The following SLC10A1 variants were observed in gnomAD, a reference collection of about 807,000 sequenced individuals.
SLC10A1 encodes hepatic sodium/bile acid cotransporter.
In SLC10A1, 36 loss-of-function variants were observed where a neutral mutation model predicts 20.5. The observed-to-expected ratio is 1.75, with a 90% CI of 1.34 to 2.32. The LOEUF (loss-of-function observed/expected upper bound fraction) is 2.32, where lower values mean the gene tolerates loss of function less well. SLC10A1 is among the 30% of genes most tolerant of loss of function. The pLI is 0.00. For synonymous variants in SLC10A1, 188 were observed against 163.6 expected (o/e 1.15, Z -1.14); for missense variants, 545 against 439.1 (o/e 1.24, Z -2.16).
At chr14:69,782,538 T>G (rs1035095933) in intron 2 of SLC10A1, among the ~76,000 whole-genome samples, 4 of 152,218 alleles carry the variant, frequency 2.6e-5, no homozygotes, top group Non-Finnish European at 5.9e-5. Flanking sequence ...CAAGGTGTGG[T>G]GGCTCACGCC....
chr14:69,785,161 G>T (rs1883683546), intron 2 of SLC10A1, among the ~76,000 whole-genome samples: 1 of 152,144 alleles, frequency 6.6e-6, no homozygotes, highest in Admixed American at 6.5e-5. Context: ...TGAGCCAAGG[G>T]GGAGGCTGGC....
intron 3 of SLC10A1, among the ~76,000 whole-genome samples, chr14:69,778,755 G>A (rs1045548736): frequency 6.6e-6 from 1 of 152,120 alleles, no homozygotes. Context: ...TCCAGTTAGT[G>A]CATCTGAACA....
intron 2 of SLC10A1, among the ~76,000 whole-genome samples, chr14:69,781,697 T>G (rs76883183): frequency 0.018 from 2,794 of 152,266 alleles, 69 homozygotes; most frequent in African/African-American, 0.063. Context: ...TGGCTTATGG[T>G]GAAAGTGGCT....
chr14:69,791,533 CT>C (rs1883840194), intron 1 of SLC10A1, among the ~76,000 whole-genome samples: 1 of 152,196 alleles, frequency 6.6e-6, no homozygotes, highest in African/African-American at 2.4e-5. Context: ...ATCTCCTGAC[CT>C]CGTGATCGGC....
At chr14:69,777,728 A>G (rs1322003448) in intron 4 of SLC10A1, among the ~76,000 whole-genome samples, 1 of 151,956 alleles carries the variant, frequency 6.6e-6, no homozygotes, top group African/African-American at 2.4e-5. Flanking sequence ...TGTTAACCCC[A>G]TAGTGATCAG....
At chr14:69,784,310 T>C (rs1883663304) in intron 2 of SLC10A1, among the ~76,000 whole-genome samples, 1 of 152,174 alleles carries the variant, frequency 6.6e-6, no homozygotes, top group African/African-American at 2.4e-5. Flanking sequence ...CCAATGCTGC[T>C]AGAAGGTCAA....
rs199672095 is a variant in SLC10A1, at chr14:69,776,393, A to G, written c.944-5T>C. 6.2e-7 allele frequency: 1 copy of G among 1,606,456 alleles called. No homozygotes were observed. Reference sequence around the variant, plus strand: ...TGTAGATCATTTTTGTTTTATCTGTAAAGTTAAAAAGGGTTACAGGTGTAG... The same window carrying G: ...TGTAGATCATTTTTGTTTTATCTGTGAAGTTAAAAAGGGTTACAGGTGTAG... On this transcript the variant is annotated splice_polypyrimidine_tract_variant and splice_region_variant and intron_variant, in intron 4 of 4. Coordinates refer to ENST00000216540, the MANE Select transcript of SLC10A1 (RefSeq NM_003049.4).
intron 1 of SLC10A1, among the ~76,000 whole-genome samples, chr14:69,791,415 C>T (rs1192248349): frequency 6.6e-6 from 1 of 151,986 alleles, no homozygotes; most frequent in African/African-American, 2.4e-5. Flanking sequence ...ATTCTCCTGC[C>T]TCAGCCTCTC....
In SLC10A1 at chr14:69,781,007, G is replaced by C. The variant is rs140606118; in HGVS notation, c.568-1647C>G. 1.6e-4 allele frequency among the ~76,000 whole-genome samples: 25 copies of C among 152,184 alleles called. No homozygotes were observed. The East Asian group carries it at 2.9e-3, about 18-fold the overall frequency. On this transcript the variant is annotated intron_variant, in intron 2 of 4. Coordinates refer to ENST00000216540, the MANE Select transcript of SLC10A1 (RefSeq NM_003049.4). ...CTCACTCATGTTCTCTGACTCTTGG[G>C]GACTGCACAGTTGTGGTTATGAGCA...
intron 4 of SLC10A1, 71 bp downstream of exon 4, chr14:69,778,262 A>AAT (rs765747923): frequency 3.7e-5 from 49 of 1,340,514 alleles, no homozygotes; most frequent in Admixed American, 2.6e-4. Context: ...CCCTGCTAGA[A>AAT]ACTTGCTTGT....
intron 1 of SLC10A1, among the ~76,000 whole-genome samples, chr14:69,794,341 T>C (rs1882343302): frequency 6.6e-6 from 1 of 152,186 alleles, no homozygotes; most frequent in Non-Finnish European, 1.5e-5. Context: ...TGCCCATGCC[T>C]TTGAGGCTGT....
At chr14:69,786,076 T>C (rs751463432) in intron 2 of SLC10A1, 21 bp downstream of exon 2, 1 of 1,603,046 alleles carries the variant, frequency 6.2e-7, no homozygotes, top group Admixed American at 1.7e-5. Context: ...CCCTAATTTG[T>C]CAAGCCTCCC....
intron 2 of SLC10A1, among the ~76,000 whole-genome samples, chr14:69,779,817 C>T (rs1883548764): frequency 1.4e-5 from 2 of 144,282 alleles, no homozygotes; most frequent in African/African-American, 5.5e-5. Flanking sequence ...CTATTCAGGA[C>T]TCCTGCAAAA....
chr14:69,779,926 A>G (rs1004290841), intron 2 of SLC10A1, among the ~76,000 whole-genome samples: 3 of 152,236 alleles, frequency 2.0e-5, no homozygotes, highest in African/African-American at 4.8e-5. Context: ...AGAACTTGTC[A>G]TACATATTTG....
rs144886364 is a variant in SLC10A1 at position 69,777,740 on chromosome 14, G to A, written c.943+593C>T. On this transcript the variant is annotated intron_variant, in intron 4 of 4. Transcript: ENST00000216540. ...CTATGTTAACCCCATAGTGATCAGA[G>A]TAAAGTATAAATCATATTAAGTTTA... Among the ~76,000 whole-genome samples the A allele has an allele frequency of 1.9e-4, 29 of 152,080 alleles. No homozygotes were observed. The East Asian group carries it at 5.6e-3, about 29-fold the overall frequency.
intron 1 of SLC10A1, among the ~76,000 whole-genome samples, chr14:69,791,105 TA>T (rs1387035157): frequency 6.6e-6 from 1 of 152,020 alleles, no homozygotes; most frequent in African/African-American, 2.4e-5. Flanking sequence ...AGAAAGGTAT[TA>T]AAAAAGGCCT....
At position 69,796,788 on chromosome 14, in the gene SLC10A1, C is replaced by T. The variant is rs757932511; in HGVS notation, c.356+12G>A. 1.0e-5 allele frequency: 16 copies of T among 1,605,306 alleles called. No individual in the cohort carries two copies. The highest frequency in any genetic ancestry group is 1.2e-5 in the Non-Finnish European group (14 of 1,173,872). On this transcript the variant is annotated intron_variant, in intron 1 of 4. Transcript: ENST00000216540. ...CTGTCCCAGGCTGTTCCCTCCTCACCCCCAGGCCTACCTGAGGTTCATGTC... is the reference window on the plus strand; with the variant it reads ...CTGTCCCAGGCTGTTCCCTCCTCACTCCCAGGCCTACCTGAGGTTCATGTC...
intron 2 of SLC10A1, among the ~76,000 whole-genome samples, chr14:69,781,478 A>G (rs1237899998): frequency 6.6e-6 from 1 of 152,208 alleles, no homozygotes; most frequent in Non-Finnish European, 1.5e-5. Context: ...AGATTCTCTC[A>G]TTTAGGAAGT....
Position 69,779,121 on chromosome 14 carries a change from A to C in SLC10A1, c.746+61T>G, listed in dbSNP as rs186343960. 6.9e-3 allele frequency: 8,745 copies of C among 1,275,988 alleles called. 40 individuals are homozygous for C. The highest frequency in any genetic ancestry group is 8.3e-3 in the Non-Finnish European group (7,824 of 938,388). 79.0% of individuals were successfully genotyped at this position (1,275,988 alleles called of 1,614,324 possible). ...GGCTGCAGTGAGCTGAGAATGTGCTACTCCCCTCCAGCCTGGGCAACAGAG... is the reference window on the plus strand; with the variant it reads ...GGCTGCAGTGAGCTGAGAATGTGCTCCTCCCCTCCAGCCTGGGCAACAGAG... On this transcript the variant is annotated intron_variant, in intron 3 of 4. Transcript: ENST00000216540.
Sources: gnomAD v4.1 joint callset for allele counts (sites outside exome capture counted in the v4.1 genomes callset) on GRCh38, gnomAD v4.1.1 for gene constraint, MANE v1.5 for transcripts, NCBI Gene and HGNC (gene_info 2026-07-23, HGNC 2026-07-21) for gene names.